NPAS3: variants seen among roughly 807,000 people sequenced by gnomAD.
NPAS3 encodes neuronal PAS domain-containing protein 3.
NPAS3 carries 14 observed loss-of-function variants against 73.1 expected under a neutral mutation model. That is an observed-to-expected ratio of 0.19 (90% CI 0.13 to 0.30). The LOEUF (loss-of-function observed/expected upper bound fraction) is 0.30, where lower values mean the gene tolerates loss of function less well. NPAS3 is among the 10% of genes least tolerant of loss of function. NPAS3 has a pLI of 1.00. For missense variants in NPAS3, 1,096 were observed against 1,250.0 expected (o/e 0.88, Z 1.86); for synonymous variants, 620 against 541.5 (o/e 1.14, Z -2.01).
chr14:33,650,119 T>C (rs1231921740), intron 5 of NPAS3, among the ~76,000 whole-genome samples: 2 of 152,192 alleles, frequency 1.3e-5, no homozygotes, highest in Non-Finnish European at 2.9e-5. Flanking sequence ...CTGCATTTTG[T>C]ACAGACACAG....
chr14:33,520,600 A>C (rs886150045), intron 4 of NPAS3, among the ~76,000 whole-genome samples: 6 of 152,150 alleles, frequency 3.9e-5, no homozygotes, highest in Non-Finnish European at 8.8e-5. Context: ...TGAGTTTGTG[A>C]ATGGAATCAA....
chr14:33,476,312 C>T (rs1414429530), intron 4 of NPAS3, among the ~76,000 whole-genome samples: 1 of 152,148 alleles, frequency 6.6e-6, no homozygotes, highest in African/African-American at 2.4e-5. Flanking sequence ...AATAGCATAG[C>T]ATATATCATT....
At chr14:33,706,608 C>A (rs1324386114) in intron 6 of NPAS3, among the ~76,000 whole-genome samples, 4 of 152,116 alleles carry the variant, frequency 2.6e-5, no homozygotes, top group Non-Finnish European at 5.9e-5. Flanking sequence ...AATATAAAAT[C>A]TAAACAATAA....
At chr14:33,093,423 C>T (rs892048597) in intron 2 of NPAS3, among the ~76,000 whole-genome samples, 2 of 152,122 alleles carry the variant, frequency 1.3e-5, no homozygotes, top group African/African-American at 4.8e-5. Context: ...AATGAGATAC[C>T]ATCTCACACC....
intron 11 of NPAS3, among the ~76,000 whole-genome samples, chr14:33,798,719 A>T (rs943165): frequency 0.61 from 93,284 of 152,052 alleles, 29,616 homozygotes; most frequent in East Asian, 0.81. Context: ...ACAAAGACAT[A>T]AAAAGTTCTA....
In NPAS3 at chr14:33,597,605, T is replaced by G. The variant is rs549093803; in HGVS notation, c.558+37395T>G. Reference sequence around the variant, plus strand: ...CATACATATACCTGTGGAAACAATATTCACAAAATGAGCAAACCCTAGCAC... The same window carrying G: ...CATACATATACCTGTGGAAACAATAGTCACAAAATGAGCAAACCCTAGCAC... On this transcript the variant is annotated intron_variant, in intron 5 of 11. Coordinates refer to ENST00000356141, the Ensembl canonical transcript of NPAS3. Among the ~76,000 whole-genome samples, 69 of 152,322 alleles carry G rather than the reference T, an allele frequency of 4.5e-4. No individual in the cohort carries two copies. In the South Asian group the frequency reaches 0.014, roughly 31 times the overall value.
At chr14:33,070,287 C>A (rs1054050940) in intron 2 of NPAS3, among the ~76,000 whole-genome samples, 1 of 149,628 alleles carries the variant, frequency 6.7e-6, no homozygotes, top group Non-Finnish European at 1.5e-5. Flanking sequence ...CTTTTTTTTT[C>A]TTTCATGTAG....
chr14:33,590,723 G>A (rs895197108), intron 5 of NPAS3, among the ~76,000 whole-genome samples: 6 of 152,186 alleles, frequency 3.9e-5, no homozygotes, highest in Admixed American at 3.9e-4. Flanking sequence ...TGGAGAAGGG[G>A]TTGTAGCAAA....
At chr14:33,667,450 G>A (rs2059484877) in intron 5 of NPAS3, among the ~76,000 whole-genome samples, 1 of 152,054 alleles carries the variant, frequency 6.6e-6, no homozygotes, top group African/African-American at 2.4e-5. Context: ...AGATATACAG[G>A]ATTTTAGCCT....
intron 6 of NPAS3, among the ~76,000 whole-genome samples, chr14:33,690,532 G>A (rs539206274): frequency 2.0e-5 from 3 of 152,014 alleles, no homozygotes; most frequent in East Asian, 3.9e-4. Flanking sequence ...CCATCCAGTC[G>A]CTCCTGACAA....
chr14:33,300,932 G>A (rs986717431), intron 3 of NPAS3, among the ~76,000 whole-genome samples: 2 of 152,154 alleles, frequency 1.3e-5, no homozygotes, highest in African/African-American at 4.8e-5. Context: ...ATAGGATTGA[G>A]GGCCAGGTAG....
chr14:33,285,969 C>A lies in NPAS3; in HGVS notation c.385+70543C>A, dbSNP rs548765418. On this transcript the variant is annotated intron_variant, in intron 3 of 11. Transcript: ENST00000356141. ...CTTCCCCATCCCAACCTATCCTACC[C>A]TTAACCTTGTCATAGCACCCCTTAC... is the stretch of plus-strand genomic sequence containing the variant. 3.9e-5 allele frequency among the ~76,000 whole-genome samples: 6 copies of A among 152,316 alleles called. No homozygotes were observed. In the South Asian group the frequency reaches 1.2e-3, roughly 32 times the overall value.
At chr14:33,264,985 A>T (rs1408403285) in intron 3 of NPAS3, among the ~76,000 whole-genome samples, 2 of 152,212 alleles carry the variant, frequency 1.3e-5, no homozygotes, top group Non-Finnish European at 2.9e-5. Context: ...TTGAGGTAAT[A>T]TGGAAAAGAG....
Position 33,684,640 on chromosome 14 carries a change from CAGTA to C in NPAS3, c.733+8263_733+8266del, listed in dbSNP as rs558067023. 3.1e-4 allele frequency among the ~76,000 whole-genome samples: 47 copies of C among 152,324 alleles called. 1 individual carries two copies. In the South Asian group the frequency reaches 8.9e-3, roughly 29 times the overall value. ...GCATTTAAACTCATACCACAGTGAT[CAGTA>C]AGTAAGTGGCATCTGAATACATTAT... is the stretch of plus-strand genomic sequence containing the variant. On this transcript the variant is annotated intron_variant, in intron 6 of 11. Transcript: ENST00000356141.
intron 3 of NPAS3, among the ~76,000 whole-genome samples, chr14:33,234,243 TAAATC>T (rs1167868414): frequency 5.3e-5 from 8 of 152,086 alleles, no homozygotes; most frequent in Non-Finnish European, 7.4e-5. Context: ...GTGTGTATAA[TAAATC>T]AAAAGTTATA....
chr14:33,372,275 A>G (rs1017123951), intron 4 of NPAS3, among the ~76,000 whole-genome samples: 7 of 152,102 alleles, frequency 4.6e-5, no homozygotes, highest in African/African-American at 1.2e-4. Flanking sequence ...TTTGAGAGTA[A>G]GGGGTAAGAT....
At chr14:33,688,076 T>C (rs1212058254) in intron 6 of NPAS3, among the ~76,000 whole-genome samples, 2 of 152,136 alleles carry the variant, frequency 1.3e-5, no homozygotes, top group Non-Finnish European at 2.9e-5. Context: ...AAGATGAACT[T>C]TTTTTTTCCA....
At chr14:33,351,156 T>C (rs1566822041) in intron 3 of NPAS3, among the ~76,000 whole-genome samples, 1 of 152,210 alleles carries the variant, frequency 6.6e-6, no homozygotes, top group Non-Finnish European at 1.5e-5. Flanking sequence ...TTTTTAGCTC[T>C]TACAGGTGTA....
At chr14:33,550,006 G>A (rs1272567315) in intron 4 of NPAS3, among the ~76,000 whole-genome samples, 4 of 151,832 alleles carry the variant, frequency 2.6e-5, no homozygotes, top group Non-Finnish European at 4.4e-5. Flanking sequence ...TTCACTTTAG[G>A]AAGCCAGTGG....
Sources: allele counts gnomAD v4.1 joint callset (sites outside exome capture counted in the v4.1 genomes callset), GRCh38; gene constraint gnomAD v4.1.1; transcripts MANE v1.5; gene names NCBI Gene and HGNC (gene_info 2026-07-23, HGNC 2026-07-21).